Variants in LRRC4C observed in about 807,000 individuals in gnomAD.
LRRC4C encodes leucine-rich repeat-containing protein 4C.
In LRRC4C, 5 loss-of-function variants were observed where a neutral mutation model predicts 33.6. That is an observed-to-expected ratio of 0.15 (90% CI 0.08 to 0.31). The LOEUF (loss-of-function observed/expected upper bound fraction) is 0.31, where lower values mean the gene tolerates loss of function less well. Ranked by LOEUF, LRRC4C falls within the 10% of genes least tolerant of loss-of-function variation. The pLI is 1.00. For missense variants in LRRC4C, 560 were observed against 796.7 expected, an observed-to-expected ratio of 0.70 and a Z score of 3.58; for synonymous variants, 329 against 302.0, an observed-to-expected ratio of 1.09 and a Z score of -0.93.
chr11:40,880,987 G>A (rs1343976366), intron 2 of LRRC4C, among the ~76,000 whole-genome samples: 1 of 151,580 alleles, frequency 6.6e-6, no homozygotes, highest in African/African-American at 2.4e-5. Context: ...CTTGCCCAAG[G>A]GCCAGAGAAT....
intron 3 of LRRC4C, among the ~76,000 whole-genome samples, chr11:40,354,742 C>T (rs892247671): frequency 5.3e-5 from 8 of 152,148 alleles, no homozygotes; most frequent in African/African-American, 1.4e-4. Flanking sequence ...AGTCGGCTTC[C>T]CTGTGGCCCC....
At chr11:41,329,814 A>C (rs1951237750) in intron 1 of LRRC4C, among the ~76,000 whole-genome samples, 1 of 152,180 alleles carries the variant, frequency 6.6e-6, no homozygotes, top group African/African-American at 2.4e-5. Context: ...GGCAGGGCTG[A>C]TAGAAGTTTC....
At chr11:40,592,514 G>C (rs2135745220) in intron 3 of LRRC4C, among the ~76,000 whole-genome samples, 1 of 152,310 alleles carries the variant, frequency 6.6e-6, no homozygotes, top group East Asian at 1.9e-4. Flanking sequence ...GCAAAGCAAA[G>C]CATATGGAAG....
At chr11:41,130,328 T>G (rs1942953596) in intron 1 of LRRC4C, among the ~76,000 whole-genome samples, 1 of 151,966 alleles carries the variant, frequency 6.6e-6, no homozygotes, top group Admixed American at 6.6e-5. Flanking sequence ...ATTACTTGTC[T>G]TATTTTATCA....
At chr11:40,869,150 A>G (rs188723190) in intron 2 of LRRC4C, among the ~76,000 whole-genome samples, 2 of 152,296 alleles carry the variant, frequency 1.3e-5, no homozygotes, top group East Asian at 3.9e-4. Flanking sequence ...GAATGAGCAC[A>G]TTAGCTAGGA....
At chr11:41,279,684 C>G (rs1949602924) in intron 1 of LRRC4C, among the ~76,000 whole-genome samples, 2 of 152,092 alleles carry the variant, frequency 1.3e-5, no homozygotes, top group Non-Finnish European at 2.9e-5. Context: ...GGAAGCAGAC[C>G]TAGGTCATTT....
At chr11:40,398,083 T>G (rs1949612717) in intron 3 of LRRC4C, among the ~76,000 whole-genome samples, 1 of 152,008 alleles carries the variant, frequency 6.6e-6, no homozygotes, top group African/African-American at 2.4e-5. Context: ...AATTTTTGAG[T>G]AATATAGTTT....
intron 4 of LRRC4C, among the ~76,000 whole-genome samples, chr11:40,251,685 T>G (rs368641065): frequency 6.6e-6 from 1 of 152,182 alleles, no homozygotes; most frequent in African/African-American, 2.4e-5. Flanking sequence ...AAGTAAAGGA[T>G]CTTCTCTCTG....
intron 1 of LRRC4C, among the ~76,000 whole-genome samples, chr11:40,977,399 C>T (rs564595351): frequency 3.9e-5 from 6 of 152,200 alleles, no homozygotes; most frequent in South Asian, 2.1e-4. Flanking sequence ...GCTTTTTCAA[C>T]GTATCTGTAG....
intron 1 of LRRC4C, among the ~76,000 whole-genome samples, chr11:41,434,117 G>A (rs1201697009): frequency 6.6e-6 from 1 of 152,010 alleles, no homozygotes; most frequent in Non-Finnish European, 1.5e-5. Context: ...TAGATATTCA[G>A]CAGTGGCAAC....
chr11:41,123,256 GTTTTGTTTTTTTTTT>G (rs1328472555), intron 1 of LRRC4C, among the ~76,000 whole-genome samples: 1,814 of 107,106 alleles, frequency 0.017, 82 homozygotes, highest in Admixed American at 0.058. Context: ...CCTGAGCTAT[GTTTTGTTTTTTTTTT>G]TTTTTTTTTT....
At chr11:40,999,211 A>G (rs773036003) in intron 1 of LRRC4C, among the ~76,000 whole-genome samples, 20 of 152,196 alleles carry the variant, frequency 1.3e-4, no homozygotes, top group Admixed American at 3.3e-4. Context: ...GTCTCCTGGT[A>G]TTAGTTTGCT....
intron 2 of LRRC4C, among the ~76,000 whole-genome samples, chr11:40,695,496 T>C (rs774697294): frequency 6.6e-6 from 1 of 152,164 alleles, no homozygotes; most frequent in South Asian, 2.1e-4. Flanking sequence ...TCATTTTCTA[T>C]TGCTAATGTA....
At chr11:40,962,152 AC>A (rs1380437018) in intron 1 of LRRC4C, among the ~76,000 whole-genome samples, 1 of 151,600 alleles carries the variant, frequency 6.6e-6, no homozygotes, top group Non-Finnish European at 1.5e-5. Context: ...TAACAAGGGC[AC>A]CCGCATCAGA....
At position 40,434,156 on chromosome 11, in the gene LRRC4C, C is replaced by A. The variant is rs1191700578; in HGVS notation, c.-269-114435G>T. On this transcript the variant is annotated intron_variant, in intron 3 of 6. Transcript: ENST00000528697. ...CTTGCCTAGCACTCTCATGGTCCCCCATCTACAAAATGTTGATAATAATAC... is the reference window on the plus strand; with the variant it reads ...CTTGCCTAGCACTCTCATGGTCCCCAATCTACAAAATGTTGATAATAATAC... Among the ~76,000 whole-genome samples the A allele has an allele frequency of 4.6e-5, 7 of 152,236 alleles. No homozygotes were observed. In the East Asian group the frequency reaches 1.2e-3, roughly 25 times the overall value.
chr11:41,379,039 G>A (rs1333578434), intron 1 of LRRC4C, among the ~76,000 whole-genome samples: 5 of 147,634 alleles, frequency 3.4e-5, no homozygotes, highest in African/African-American at 1.3e-4. Context: ...CCACCCTTTT[G>A]GACACACAGA....
chr11:41,117,436 GT>G (rs1156574629), intron 1 of LRRC4C, among the ~76,000 whole-genome samples: 3 of 152,050 alleles, frequency 2.0e-5, no homozygotes, highest in African/African-American at 7.2e-5. Flanking sequence ...ATAATATTAC[GT>G]GAAAATAGCT....
At chr11:41,369,590 GAAGAT>G (rs1039196214) in intron 1 of LRRC4C, among the ~76,000 whole-genome samples, 17 of 152,044 alleles carry the variant, frequency 1.1e-4, no homozygotes, top group Admixed American at 3.9e-4. Context: ...AGCATGAGCT[GAAGAT>G]AAGATCAGTG....
At chr11:40,615,394 C>G (rs4378380) in intron 3 of LRRC4C, among the ~76,000 whole-genome samples, 65,284 of 150,672 alleles carry the variant, frequency 0.43, 15,206 homozygotes, top group Middle Eastern at 0.58. Context: ...AATATCTTTA[C>G]AAGATGAAGC....
Sources: gnomAD v4.1 joint callset for allele counts (sites outside exome capture counted in the v4.1 genomes callset) on GRCh38, gnomAD v4.1.1 for gene constraint, MANE v1.5 for transcripts, NCBI Gene and HGNC (gene_info 2026-07-23, HGNC 2026-07-21) for gene names.